Variants in PRELID2 observed in about 807,000 individuals in gnomAD.
The protein encoded by PRELID2 is PRELI domain containing 2.
A neutral mutation model predicts 28.4 loss-of-function variants in PRELID2; 25 were observed. The observed-to-expected ratio is 0.88, with a 90% CI of 0.64 to 1.23. The LOEUF (loss-of-function observed/expected upper bound fraction) is 1.23. PRELID2 is among the 50% of genes most tolerant of loss of function. The pLI is 0.00. For synonymous variants in PRELID2, 76 were observed against 71.6 expected, an observed-to-expected ratio of 1.06 and a Z score of -0.31; for missense variants, 201 against 214.4, an observed-to-expected ratio of 0.94 and a Z score of 0.39.
intron 1 of PRELID2, among the ~76,000 whole-genome samples, chr5:145,528,837 C>T (rs901471070): frequency 3.3e-5 from 5 of 152,000 alleles, no homozygotes; most frequent in African/African-American, 1.2e-4. Context: ...ATGCATACCT[C>T]ATCAATGTTT....
At chr5:145,333,521 G>C in the PRELID2 span, among the ~76,000 whole-genome samples, 33 of 152,168 alleles carry the variant, frequency 2.2e-4, no homozygotes, top group Non-Finnish European at 4.0e-4. Context: ...TTGCCAAGCT[G>C]TGGTGGGCTC....
chr5:145,683,074 A>G (rs1754969251), intron 1 of PRELID2, among the ~76,000 whole-genome samples: 1 of 152,212 alleles, frequency 6.6e-6, no homozygotes, highest in Admixed American at 6.5e-5. Flanking sequence ...ATATTGGGTG[A>G]AAGCAGTCAG....
chr5:145,436,627 A>T, the PRELID2 span, among the ~76,000 whole-genome samples: 2 of 152,068 alleles, frequency 1.3e-5, no homozygotes, highest in African/African-American at 4.8e-5. Flanking sequence ...ACGTTTTAAT[A>T]ATACTCATTT....
chr5:145,701,433 A>C (rs1247974797), intron 1 of PRELID2, among the ~76,000 whole-genome samples: 1 of 152,268 alleles, frequency 6.6e-6, no homozygotes, highest in Admixed American at 6.5e-5. Context: ...TGCTTAGTTC[A>C]GCAGAAGCTG....
intron 4 of PRELID2, among the ~76,000 whole-genome samples, chr5:145,811,941 T>G (rs1453538662): frequency 1.3e-5 from 2 of 152,168 alleles, no homozygotes; most frequent in African/African-American, 4.8e-5. Context: ...AGTCCCCTTC[T>G]ACTATGTCCC....
intron 1 of PRELID2, among the ~76,000 whole-genome samples, chr5:145,654,654 AT>A (rs1178344076): frequency 6.6e-6 from 1 of 152,236 alleles, no homozygotes; most frequent in Non-Finnish European, 1.5e-5. Context: ...AAACCACATG[AT>A]TATCTCAATA....
chr5:145,667,008 TG>T (rs1310437957), intron 1 of PRELID2, among the ~76,000 whole-genome samples: 1 of 152,088 alleles, frequency 6.6e-6, no homozygotes, highest in African/African-American at 2.4e-5. Context: ...GAGAAGTTTT[TG>T]TTACTGGCAA....
At chr5:145,729,203 G>T in intron 1 of PRELID2, 1 of 753,832 alleles carries the variant, frequency 1.3e-6, no homozygotes. Flanking sequence ...TCTGGGTTTC[G>T]GAAGCATGCC....
the PRELID2 span, among the ~76,000 whole-genome samples, chr5:145,266,681 A>G: frequency 6.6e-6 from 1 of 152,144 alleles, no homozygotes; most frequent in African/African-American, 2.4e-5. Flanking sequence ...CAGCAAGTCC[A>G]CTCCTGGGTA....
At chr5:145,307,843 A>C in the PRELID2 span, among the ~76,000 whole-genome samples, 1 of 152,146 alleles carries the variant, frequency 6.6e-6, no homozygotes, top group Non-Finnish European at 1.5e-5. Flanking sequence ...TTTCTTTCCA[A>C]AACTACAAGG....
chr5:145,694,605 G>A (rs1046735174), intron 1 of PRELID2, among the ~76,000 whole-genome samples: 1 of 152,120 alleles, frequency 6.6e-6, no homozygotes, highest in African/African-American at 2.4e-5. Context: ...AGGTATGACT[G>A]TAGTTTTTGA....
intron 1 of PRELID2, among the ~76,000 whole-genome samples, chr5:145,723,428 AC>A (rs1325967113): frequency 4.6e-5 from 7 of 151,930 alleles, no homozygotes; most frequent in African/African-American, 1.7e-4. Flanking sequence ...GATTATTGAG[AC>A]CATTTTGGAA....
At chr5:145,596,447 A>G (rs1024600760) in intron 1 of PRELID2, among the ~76,000 whole-genome samples, 1 of 152,146 alleles carries the variant, frequency 6.6e-6, no homozygotes, top group Non-Finnish European at 1.5e-5. Flanking sequence ...ACGAAAAATC[A>G]GCCAAAACAT....
At chr5:145,602,737 GATTAAACACAGGT>G (rs1297042374) in intron 1 of PRELID2, among the ~76,000 whole-genome samples, 3 of 151,964 alleles carry the variant, frequency 2.0e-5, no homozygotes, top group Non-Finnish European at 4.4e-5. Flanking sequence ...TTTAAGACCA[GATTAAACACAGGT>G]GAAAACAGAA....
intron 1 of PRELID2, among the ~76,000 whole-genome samples, chr5:145,479,444 A>T (rs1448874206): frequency 6.6e-6 from 1 of 151,696 alleles, no homozygotes; most frequent in Non-Finnish European, 1.5e-5. Context: ...AGCATACATC[A>T]CTCATCAGGA....
At chr5:145,524,509 C>T (rs1277800874) in intron 1 of PRELID2, among the ~76,000 whole-genome samples, 2 of 152,174 alleles carry the variant, frequency 1.3e-5, no homozygotes, top group East Asian at 3.9e-4. Flanking sequence ...CCATTAGTAA[C>T]TCAGAGAAGC....
the PRELID2 span, among the ~76,000 whole-genome samples, chr5:145,444,402 T>A: frequency 6.6e-6 from 1 of 151,996 alleles, no homozygotes; most frequent in Non-Finnish European, 1.5e-5. Context: ...CAAATGTAGA[T>A]GTTTTGCTCT....
intron 1 of PRELID2, among the ~76,000 whole-genome samples, chr5:145,475,264 C>G (rs1424365593): frequency 2.0e-5 from 3 of 152,150 alleles, no homozygotes; most frequent in African/African-American, 7.2e-5. Flanking sequence ...ATCTAACATT[C>G]CTTGAAATAG....
At chr5:145,790,063 T>C (rs1752264806) in intron 5 of PRELID2, among the ~76,000 whole-genome samples, 1 of 152,158 alleles carries the variant, frequency 6.6e-6, no homozygotes, top group Non-Finnish European at 1.5e-5. Flanking sequence ...TAAATTGGTA[T>C]ACCCATTATG....
Sources: allele counts gnomAD v4.1 joint callset (sites outside exome capture counted in the v4.1 genomes callset), GRCh38; gene constraint gnomAD v4.1.1; transcripts MANE v1.5; gene names NCBI Gene and HGNC (gene_info 2026-07-23, HGNC 2026-07-21).